The following ST6GALNAC3 variants were observed in gnomAD, a reference collection of about 807,000 sequenced individuals.
ST6GALNAC3 encodes alpha-N-acetylgalactosaminide alpha-2,6-sialyltransferase 3.
A neutral mutation model predicts 32.7 loss-of-function variants in ST6GALNAC3; 25 were observed. The observed-to-expected ratio is 0.76, with a 90% CI of 0.56 to 1.07. The LOEUF (loss-of-function observed/expected upper bound fraction) is 1.07. ST6GALNAC3 is among the 50% of genes least tolerant of loss of function. ST6GALNAC3 has a pLI of 0.00. For missense variants in ST6GALNAC3, 355 were observed against 382.4 expected (o/e 0.93, Z 0.60); for synonymous variants, 129 against 133.1 (o/e 0.97, Z 0.21).
intron 3 of ST6GALNAC3, among the ~76,000 whole-genome samples, chr1:76,530,754 G>A (rs1663202207): frequency 6.6e-6 from 1 of 152,162 alleles, no homozygotes; most frequent in Non-Finnish European, 1.5e-5. Context: ...GTGGATAAGG[G>A]AATTGAGGCT....
chr1:76,267,671 T>C (rs185667739), intron 1 of ST6GALNAC3, among the ~76,000 whole-genome samples: 1 of 152,290 alleles, frequency 6.6e-6, no homozygotes, highest in Non-Finnish European at 1.5e-5. Context: ...TTGCAAATGG[T>C]CAAAACCATA....
intron 3 of ST6GALNAC3, among the ~76,000 whole-genome samples, chr1:76,464,634 A>G (rs141050388): frequency 1.3e-5 from 2 of 152,378 alleles, no homozygotes; most frequent in Admixed American, 6.5e-5. Flanking sequence ...AGCCCCTGGC[A>G]ACAGCAATAG....
chr1:76,308,810 A>G (rs1041506798), intron 1 of ST6GALNAC3, among the ~76,000 whole-genome samples: 11 of 152,186 alleles, frequency 7.2e-5, no homozygotes, highest in African/African-American at 2.7e-4. Flanking sequence ...TTTTATATAC[A>G]TTTATCCTTT....
intron 3 of ST6GALNAC3, among the ~76,000 whole-genome samples, chr1:76,488,693 A>G (rs900147046): frequency 6.6e-6 from 1 of 152,192 alleles, no homozygotes; most frequent in African/African-American, 2.4e-5. Flanking sequence ...CCATTCCAGC[A>G]TCTGTCAGTT....
At chr1:76,108,084 C>T (rs409245) in intron 1 of ST6GALNAC3, among the ~76,000 whole-genome samples, 39,996 of 152,086 alleles carry the variant, frequency 0.26, 6,218 homozygotes, top group African/African-American at 0.43. Flanking sequence ...GACTGTGACA[C>T]GGTCAGCTGA....
At chr1:76,442,037 G>T (rs979437002) in intron 3 of ST6GALNAC3, among the ~76,000 whole-genome samples, 1 of 152,196 alleles carries the variant, frequency 6.6e-6, no homozygotes, top group Non-Finnish European at 1.5e-5. Flanking sequence ...GCAGGTGCAT[G>T]GGGCAAGTAG....
intron 2 of ST6GALNAC3, among the ~76,000 whole-genome samples, chr1:76,385,119 A>C (rs147925138): frequency 6.6e-6 from 1 of 152,234 alleles, no homozygotes; most frequent in Non-Finnish European, 1.5e-5. Flanking sequence ...TCATTAACAC[A>C]TGTTTAAAAA....
At chr1:76,155,805 T>C (rs1651375394) in intron 1 of ST6GALNAC3, among the ~76,000 whole-genome samples, 1 of 152,130 alleles carries the variant, frequency 6.6e-6, no homozygotes, top group Non-Finnish European at 1.5e-5. Flanking sequence ...GTTTCTCCTG[T>C]TGTTGTTGTT....
At chr1:76,230,224 G>A (rs945471911) in intron 1 of ST6GALNAC3, among the ~76,000 whole-genome samples, 1 of 152,178 alleles carries the variant, frequency 6.6e-6, no homozygotes, top group Non-Finnish European at 1.5e-5. Flanking sequence ...ACATATAAGC[G>A]TTAAGATGAG....
chr1:76,361,646 TA>T (rs1274391601), intron 2 of ST6GALNAC3, among the ~76,000 whole-genome samples: 1 of 152,166 alleles, frequency 6.6e-6, no homozygotes, highest in African/African-American at 2.4e-5. Flanking sequence ...CTTTGTCACT[TA>T]AGCCTTCTGT....
At chr1:76,212,271 T>C (rs375725023) in intron 1 of ST6GALNAC3, among the ~76,000 whole-genome samples, 3 of 152,286 alleles carry the variant, frequency 2.0e-5, no homozygotes, top group Non-Finnish European at 2.9e-5. Context: ...TTTTGGAAAC[T>C]GCTCCCCTAT....
At chr1:76,411,952 C>G in intron 2 of ST6GALNAC3, 56 bp from the exon 3 acceptor site, 1 of 1,555,088 alleles carries the variant, frequency 6.4e-7, no homozygotes, top group Non-Finnish European at 8.7e-7. Flanking sequence ...CCCATAGGAA[C>G]TTGTTTGACT....
intron 1 of ST6GALNAC3, among the ~76,000 whole-genome samples, chr1:76,236,281 A>G (rs1442822444): frequency 2.0e-5 from 3 of 152,148 alleles, no homozygotes; most frequent in African/African-American, 4.8e-5. Context: ...TATATCTACA[A>G]TGGCCCTACT....
chr1:76,505,231 T>C (rs1189392509), intron 3 of ST6GALNAC3, among the ~76,000 whole-genome samples: 1 of 151,790 alleles, frequency 6.6e-6, no homozygotes, highest in Non-Finnish European at 1.5e-5. Flanking sequence ...TCAAGCAATT[T>C]CCTGCCTCAG....
chr1:76,212,352 T>A (rs1655214335), intron 1 of ST6GALNAC3, among the ~76,000 whole-genome samples: 1 of 152,190 alleles, frequency 6.6e-6, no homozygotes. Context: ...CTGGACCATG[T>A]TTGTCCCATA....
intron 3 of ST6GALNAC3, chr1:76,576,699 A>C: frequency 2.0e-6 from 1 of 506,560 alleles, no homozygotes; most frequent in Non-Finnish European, 3.3e-6. Flanking sequence ...ATGTCAGAAA[A>C]AATGCCAGAG....
At chr1:76,612,781 T>C (rs1436391263) in intron 3 of ST6GALNAC3, among the ~76,000 whole-genome samples, 2 of 152,176 alleles carry the variant, frequency 1.3e-5, no homozygotes. Context: ...CTGAGGTGAA[T>C]GGCAGCTGCT....
At chr1:76,327,649 G>A (rs1276575177) in intron 2 of ST6GALNAC3, among the ~76,000 whole-genome samples, 4 of 152,196 alleles carry the variant, frequency 2.6e-5, no homozygotes, top group Non-Finnish European at 4.4e-5. Flanking sequence ...GAGGGCAGTG[G>A]TGCAATCTCG....
chr1:76,540,819 A>G (rs771573599), intron 3 of ST6GALNAC3, among the ~76,000 whole-genome samples: 2 of 152,212 alleles, frequency 1.3e-5, no homozygotes, highest in Non-Finnish European at 2.9e-5. Context: ...CCTATTGTGT[A>G]CCAGAAACTG....
Sources: gnomAD v4.1 joint callset for allele counts (sites outside exome capture counted in the v4.1 genomes callset) on GRCh38, gnomAD v4.1.1 for gene constraint, MANE v1.5 for transcripts, NCBI Gene and HGNC (gene_info 2026-07-23, HGNC 2026-07-21) for gene names.